COL25A1: variants seen among roughly 807,000 people sequenced by gnomAD.
COL25A1 encodes the protein collagen alpha-1(XXV) chain.
In COL25A1, 103 loss-of-function variants were observed where a neutral mutation model predicts 128.4. The ratio of observed to expected loss-of-function variants is 0.80; its 90% CI spans 0.68 to 0.94. The LOEUF is 0.94. COL25A1 is among the 40% of genes least tolerant of loss of function. The pLI, the probability that COL25A1 is intolerant of heterozygous loss-of-function variation, is 0.00. For missense variants in COL25A1, 745 were observed against 840.0 expected (o/e 0.89, Z 1.40); for synonymous variants, 279 against 277.2 (o/e 1.01, Z -0.06).
chr4:109,136,401 A>AAAT (rs545870971), intron 3 of COL25A1, among the ~76,000 whole-genome samples: 35 of 152,212 alleles, frequency 2.3e-4, no homozygotes, highest in African/African-American at 7.7e-4. Flanking sequence ...CTCTGTCTCA[A>AAAT]AATAATAATA....
intron 3 of COL25A1, among the ~76,000 whole-genome samples, chr4:109,112,287 T>A (rs949576566): frequency 2.0e-5 from 3 of 152,114 alleles, no homozygotes; most frequent in African/African-American, 7.2e-5. Context: ...GTGATTTACT[T>A]CTTCTCCTGG....
intron 3 of COL25A1, among the ~76,000 whole-genome samples, chr4:109,197,922 T>C (rs987979773): frequency 2.0e-5 from 3 of 152,134 alleles, no homozygotes; most frequent in Admixed American, 6.5e-5. Context: ...ATGAATAATA[T>C]ACATGCAACT....
intron 3 of COL25A1, among the ~76,000 whole-genome samples, chr4:109,096,098 G>A (rs544499035): frequency 2.0e-5 from 3 of 152,236 alleles, no homozygotes; most frequent in Non-Finnish European, 2.9e-5. Flanking sequence ...CCAAATGAAT[G>A]TTGTCATTAT....
chr4:109,065,545 C>CAT lies in COL25A1; in HGVS notation c.368-15367_368-15366insAT, dbSNP rs1553924965. 3.5e-3 allele frequency among the ~76,000 whole-genome samples: 490 copies of CAT among 141,190 alleles called. 5 individuals carry two copies. Among genetic ancestry groups the CAT allele is most frequent in the African/African-American group, 0.012 (464 of 37,696 alleles). The allele number at this position is 141,190 out of a possible 152,430, so 92.6% of individuals were successfully genotyped here. Reference sequence around the variant, plus strand: ...TTTTGGTGCAGCACGCGCGCGCGCGCGTGTGTGTGTGTGTGTGTGTGTGTG... The same window carrying CAT: ...TTTTGGTGCAGCACGCGCGCGCGCGCATGTGTGTGTGTGTGTGTGTGTGTGTG... On this transcript the variant is annotated intron_variant, in intron 3 of 37. Transcript: ENST00000399132.
intron 18 of COL25A1, among the ~76,000 whole-genome samples, chr4:108,886,682 G>C (rs1256256165): frequency 6.6e-6 from 1 of 151,972 alleles, no homozygotes; most frequent in Admixed American, 6.6e-5. Context: ...CCAAAATCTG[G>C]GATCAGATCT....
intron 3 of COL25A1, among the ~76,000 whole-genome samples, chr4:109,176,293 G>C (rs890033225): frequency 6.6e-6 from 1 of 152,216 alleles, no homozygotes; most frequent in African/African-American, 2.4e-5. Context: ...AGGAGGCTGA[G>C]GCAGGGGAAT....
Position 108,817,391 on chromosome 4 carries a change from G to A in COL25A1, c.1962+6C>T, listed in dbSNP as rs750806142. On this transcript the variant is annotated splice_donor_region_variant and intron_variant, in intron 37 of 37. Coordinates refer to ENST00000399132, the MANE Select transcript of COL25A1 (RefSeq NM_198721.4). ...TTCTTTTGAGAAATTATTCAGTAAA[G>A]CCTACCTTTTGCCAACAGCCAGGCA... The A allele has an allele frequency of 2.5e-6, 4 of 1,613,040 alleles. No individual in the cohort carries two copies. The East Asian group carries it at 6.7e-5, about 27-fold the overall frequency.
Position 108,940,616 on chromosome 4 carries a change from G to A in COL25A1, c.595C>T (p.Pro199Ser). ...CCTCTTGGGCCTGGAGGGCCAGGGGGTCCTGGAGGCCCTGCCTGTCCTTGG... is the reference window on the plus strand; with the variant it reads ...CCTCTTGGGCCTGGAGGGCCAGGGGATCCTGGAGGCCCTGCCTGTCCTTGG... ...GDQGQAGPPG[P>S]PGPPGPRGPP... The change falls in exon 10 of 38, where the codon CCC (proline) becomes TCC (serine). Residue 199 changes from proline to serine, a missense_variant. Transcript: ENST00000399132. 2 of 1,607,198 alleles carry A rather than the reference G, an allele frequency of 1.2e-6. No individual in the cohort carries two copies. The highest frequency in any genetic ancestry group is 1.7e-6 in the Non-Finnish European group (2 of 1,176,760).
At chr4:109,283,378 C>T (rs1205496861) in intron 3 of COL25A1, among the ~76,000 whole-genome samples, 1 of 152,130 alleles carries the variant, frequency 6.6e-6, no homozygotes, top group Admixed American at 6.5e-5. Context: ...CACCAAGTAG[C>T]TGGGACTACC....
Position 108,810,545 on chromosome 4 carries a change from G to A in COL25A1, c.*3382C>T, listed in dbSNP as rs554683690. On this transcript the variant is annotated 3_prime_UTR_variant, in exon 38 of 38. Coordinates refer to ENST00000399132, the MANE Select transcript of COL25A1 (RefSeq NM_198721.4). The stretch of plus-strand genomic sequence containing the variant: ...AACAAAAACTGAAAGAAAAAATTAG[G>A]TATATTTGTGCACTAGGTACTCTAT... The A allele has an allele frequency of 6.6e-6, 1 of 152,058 alleles. No individual in the cohort carries two copies. Among genetic ancestry groups the A allele is most frequent in the African/African-American group, 2.4e-5 (1 of 41,548 alleles). 9.4% of individuals were successfully genotyped at this position (152,058 alleles called of 1,614,324 possible).
chr4:109,123,021 TA>T (rs1427856907), intron 3 of COL25A1, among the ~76,000 whole-genome samples: 1 of 152,018 alleles, frequency 6.6e-6, no homozygotes, highest in Admixed American at 6.6e-5. Flanking sequence ...TAAAAGAAGC[TA>T]AAATGTAACT....
chr4:109,102,028 T>C (rs915825024), intron 3 of COL25A1, among the ~76,000 whole-genome samples: 10 of 152,212 alleles, frequency 6.6e-5, no homozygotes, highest in Non-Finnish European at 1.5e-4. Flanking sequence ...CCTTAGGATA[T>C]AAATTCTTTA....
intron 3 of COL25A1, among the ~76,000 whole-genome samples, chr4:109,081,850 T>C (rs1017380674): frequency 6.6e-6 from 1 of 152,008 alleles, no homozygotes; most frequent in African/African-American, 2.4e-5. Context: ...ATTACAGGCA[T>C]GTGCCACCAC....
intron 3 of COL25A1, among the ~76,000 whole-genome samples, chr4:109,116,546 A>G (rs186852388): frequency 2.0e-5 from 3 of 152,088 alleles, no homozygotes; most frequent in African/African-American, 7.2e-5. Context: ...ACCTTACCAC[A>G]TTACTAAAGG....
intron 3 of COL25A1, among the ~76,000 whole-genome samples, chr4:109,160,377 G>A (rs1214902360): frequency 1.3e-5 from 2 of 152,122 alleles, no homozygotes. Flanking sequence ...AAAATTTTAA[G>A]TTATGTTTAT....
chr4:109,016,949 C>T (rs1757271154), intron 5 of COL25A1, among the ~76,000 whole-genome samples: 1 of 152,224 alleles, frequency 6.6e-6, no homozygotes, highest in Non-Finnish European at 1.5e-5. Context: ...AGAGCTTAAA[C>T]CCCTGCCCCT....
intron 3 of COL25A1, among the ~76,000 whole-genome samples, chr4:109,060,897 C>A (rs1328763627): frequency 2.6e-5 from 4 of 152,060 alleles, no homozygotes; most frequent in African/African-American, 9.7e-5. Context: ...TTTTCAATCC[C>A]AATGCTGATG....
At chr4:109,170,965 C>T (rs1409915019) in intron 3 of COL25A1, among the ~76,000 whole-genome samples, 1 of 152,080 alleles carries the variant, frequency 6.6e-6, no homozygotes, top group East Asian at 1.9e-4. Context: ...GAGGCACTTC[C>T]CACAGGATGC....
chr4:109,159,565 G>A (rs1772363243), intron 3 of COL25A1, among the ~76,000 whole-genome samples: 1 of 152,086 alleles, frequency 6.6e-6, no homozygotes, highest in Non-Finnish European at 1.5e-5. Flanking sequence ...TAACTGCAAT[G>A]GCCAGGAGTT....
Sources: gnomAD v4.1 joint callset for allele counts (sites outside exome capture counted in the v4.1 genomes callset) on GRCh38, gnomAD v4.1.1 for gene constraint, MANE v1.5 for transcripts, NCBI Gene and HGNC (gene_info 2026-07-23, HGNC 2026-07-21) for gene names.